MYOF: variants seen among roughly 807,000 people sequenced by gnomAD.
MYOF encodes the protein fer-1-like 3, myoferlin.
A neutral mutation model predicts 284.2 loss-of-function variants in MYOF; 244 were observed. The observed-to-expected ratio is 0.86, with a 90% confidence interval of 0.77 to 0.95. MYOF has a LOEUF of 0.95. Ranked by LOEUF, MYOF falls within the 40% of genes least tolerant of loss-of-function variation. The pLI is 0.00. For missense variants in MYOF, 2,496 were observed against 2,560.6 expected (o/e 0.97, Z 0.54); for synonymous variants, 904 against 919.7 (o/e 0.98, Z 0.31).
At chr10:93,443,472 CTGTG>C (rs5787060) in intron 3 of MYOF, among the ~76,000 whole-genome samples, 53,858 of 136,626 alleles carry the variant, frequency 0.39, 11,537 homozygotes, top group Non-Finnish European at 0.5. Context: ...CTCTCTCTCT[CTGTG>C]TGTGTGTGTG....
intron 17 of MYOF, among the ~76,000 whole-genome samples, chr10:93,390,437 G>A (rs1186257096): frequency 1.3e-5 from 2 of 152,160 alleles, no homozygotes; most frequent in Admixed American, 6.5e-5. Context: ...CGCAGCCTAA[G>A]GTTGAGACTT....
chr10:93,476,694 C>G (rs76809163), intron 1 of MYOF, among the ~76,000 whole-genome samples: 7,208 of 152,174 alleles, frequency 0.047, 230 homozygotes, highest in Non-Finnish European at 0.071. Context: ...CATTACAGCC[C>G]CATTTTTCAA....
chr10:93,336,923 A>AAAGG (rs1185951066), intron 40 of MYOF, among the ~76,000 whole-genome samples: 1 of 150,008 alleles, frequency 6.7e-6, no homozygotes, highest in Non-Finnish European at 1.5e-5. Flanking sequence ...GAAGGGAAGG[A>AAAGG]AAGGAAGGAA....
chr10:93,481,845 G>T (rs182522738), intron 1 of MYOF, among the ~76,000 whole-genome samples: 1 of 152,178 alleles, frequency 6.6e-6, no homozygotes, highest in South Asian at 2.1e-4. Flanking sequence ...TTAGTGATTC[G>T]CAAATACGTT....
rs534053994 is a variant in MYOF, at chr10:93,328,390, T to C, written c.5131+373A>G. 1.5e-4 allele frequency among the ~76,000 whole-genome samples: 23 copies of C among 152,218 alleles called. No individual in the cohort carries two copies. In the East Asian group the frequency reaches 3.7e-3, roughly 24 times the overall value. The stretch of plus-strand genomic sequence containing the variant: ...CAGGCTCTTCAAGCCAACCATAACA[T>C]CCCTGAAGCTTCTGGGAGAAGGGAC... On this transcript the variant is annotated intron_variant, in intron 45 of 53. Transcript: ENST00000359263.
At chr10:93,462,067 G>A (rs957997830) in intron 1 of MYOF, among the ~76,000 whole-genome samples, 6 of 148,378 alleles carry the variant, frequency 4.0e-5, no homozygotes, top group Non-Finnish European at 7.4e-5. Context: ...GATGCTCACT[G>A]CAGGCTGGGC....
rs182004063 is a variant in MYOF, at chr10:93,459,921, G to C, written c.89-2984C>G. On this transcript the variant is annotated intron_variant, in intron 1 of 53. Transcript: ENST00000359263. ...CCCTGCTCCCATAACCGGGGCTTGG[G>C]GGGGTGGAGAACTGAGTCTCAAAGG... Among the ~76,000 whole-genome samples the C allele has an allele frequency of 5.3e-5, 8 of 152,158 alleles. No homozygotes were observed. In the East Asian group the frequency reaches 7.7e-4, roughly 15 times the overall value.
In MYOF at chr10:93,409,646, G is replaced by A; in HGVS notation, c.527C>T (p.Ala176Val). ...PKGPVGTVSE[A>V]QLARRLTKVK... ...TTTGGTGAGCCTCCGAGCAAGCTGA[G>A]CTTCCGACACCGTCCCAACTGGCCC... Residue 176 changes from alanine to valine, a missense_variant, in exon 6 of 54, where the codon GCT becomes GTT. By Grantham distance (64) the Ala-to-Val change is moderately conservative. Coordinates refer to ENST00000359263, the MANE Select transcript of MYOF (RefSeq NM_013451.4). 1 of 1,614,210 alleles carries A rather than the reference G, an allele frequency of 6.2e-7. No individual in the cohort carries two copies. The highest frequency in any genetic ancestry group is 8.5e-7 in the Non-Finnish European group (1 of 1,180,040).
At position 93,351,565 on chromosome 10, in the gene MYOF, C is replaced by T. The variant is rs754493216; in HGVS notation, c.3670G>A (p.Asp1224Asn). ...AAAATGCTTCGTCCTAAAAATTCAT[C>T]TTTGCCCTAGAGAAACAAAGTGATC... ...ELFDNDQVGKDEFLGRSIFSP... is the reference protein window; with the variant it reads ...ELFDNDQVGKNEFLGRSIFSP... The change falls in exon 34 of 54, where the codon GAT becomes AAT. Residue 1224 changes from aspartate (D) to asparagine (N), a missense_variant. Coordinates refer to ENST00000359263, the MANE Select transcript of MYOF (RefSeq NM_013451.4). 3.1e-6 allele frequency: 5 copies of T among 1,614,000 alleles called. No homozygotes were observed. The African/African-American group carries it at 5.3e-5, about 17-fold the overall frequency.
intron 19 of MYOF, among the ~76,000 whole-genome samples, chr10:93,382,247 CTTTTT>C (rs947992015): frequency 1.5e-5 from 2 of 133,854 alleles, no homozygotes; most frequent in East Asian, 1.9e-4. Context: ...TCTCTATTTT[CTTTTT>C]TTTTGAGACA....
intron 6 of MYOF, 69 bp from the exon 7 acceptor site, chr10:93,408,984 T>C (rs1847768568): frequency 6.3e-7 from 1 of 1,596,404 alleles, no homozygotes; most frequent in African/African-American, 1.3e-5. Flanking sequence ...TCCTCAGGTG[T>C]TGCTTCATTT....
intron 1 of MYOF, among the ~76,000 whole-genome samples, chr10:93,464,472 C>T (rs888709129): frequency 1.3e-5 from 2 of 152,132 alleles, no homozygotes; most frequent in African/African-American, 4.8e-5. Context: ...GAAATGCTTC[C>T]AAATACACAC....
chr10:93,384,809 G>A (rs1325587042), intron 19 of MYOF, among the ~76,000 whole-genome samples: 1 of 152,188 alleles, frequency 6.6e-6, no homozygotes, highest in African/African-American at 2.4e-5. Flanking sequence ...GGTGATTTCT[G>A]TCAAGCAAGA....
Position 93,419,677 on chromosome 10 carries a change from C to T in MYOF, c.433+6394G>A, listed in dbSNP as rs143211681. On this transcript the variant is annotated intron_variant, in intron 5 of 53. Coordinates refer to ENST00000359263, the MANE Select transcript of MYOF (RefSeq NM_013451.4). ...TCCTATATAACAATTTGGTCAATCT[C>T]TCTGGAGGAATGTATTACATTCAGC... is the stretch of plus-strand genomic sequence containing the variant. Among the ~76,000 whole-genome samples the T allele has an allele frequency of 2.3e-3, 350 of 152,308 alleles. 2 individuals carry two copies. The highest frequency in any genetic ancestry group is 8.2e-3 in the African/African-American group (341 of 41,566).
chr10:93,366,019 T>C (rs889633402), intron 26 of MYOF, among the ~76,000 whole-genome samples: 2 of 140,550 alleles, frequency 1.4e-5, no homozygotes, highest in Non-Finnish European at 3.3e-5. Flanking sequence ...CCAGGAGTCA[T>C]GTGTCGGCAT....
chr10:93,400,071 AG>A (rs1252579140), intron 12 of MYOF, among the ~76,000 whole-genome samples: 1 of 152,128 alleles, frequency 6.6e-6, no homozygotes, highest in Non-Finnish European at 1.5e-5. Context: ...TCTTTTATGG[AG>A]GAAAAAAAAT....
chr10:93,436,549 A>AT (rs1360699969), intron 3 of MYOF, among the ~76,000 whole-genome samples: 8 of 152,304 alleles, frequency 5.3e-5, no homozygotes, highest in Admixed American at 1.3e-4. Context: ...AATCCCAAAA[A>AT]CATTTTTACA....
Position 93,482,202 on chromosome 10 carries a change from A to C in MYOF, c.-8T>G, listed in dbSNP as rs1473465108. On this transcript the variant is annotated 5_prime_UTR_variant, in exon 1 of 54. Transcript: ENST00000359263. Reference sequence around the variant, plus strand: ...CACAATCACTCGCAGCATGGTTCTTAGCTGGTAGAAAGCAAGTTTCAGCAA... The same window carrying C: ...CACAATCACTCGCAGCATGGTTCTTCGCTGGTAGAAAGCAAGTTTCAGCAA... 6.2e-7 allele frequency: 1 copy of C among 1,610,566 alleles called. No homozygotes were observed. The highest frequency in any genetic ancestry group is 1.3e-5 in the African/African-American group (1 of 74,590).
intron 49 of MYOF, among the ~76,000 whole-genome samples, chr10:93,317,627 C>T (rs139142282): frequency 1.4e-4 from 21 of 151,662 alleles, no homozygotes; most frequent in African/African-American, 2.7e-4. Flanking sequence ...ACAGAGATTC[C>T]GTCTCAGAAA....
Sources: allele counts gnomAD v4.1 joint callset (sites outside exome capture counted in the v4.1 genomes callset), GRCh38; gene constraint gnomAD v4.1.1; transcripts MANE v1.5; gene names NCBI Gene and HGNC (gene_info 2026-07-23, HGNC 2026-07-21).